CACNA1A: variants seen among roughly 807,000 people sequenced by gnomAD.
CACNA1A encodes calcium voltage-gated channel subunit alpha1 A.
Under a neutral mutation model 262.4 loss-of-function variants are expected in CACNA1A, and 57 were observed. The ratio of observed to expected loss-of-function variants is 0.22; its 90% CI spans 0.18 to 0.27. CACNA1A has a LOEUF of 0.27. Ranked by LOEUF, CACNA1A falls within the 10% of genes least tolerant of loss-of-function variation. CACNA1A has a pLI of 1.00. For synonymous variants in CACNA1A, 1,431 were observed against 1,419.3 expected, an observed-to-expected ratio of 1.01 and a Z score of -0.18; for missense variants, 2,526 against 3,562.8, an observed-to-expected ratio of 0.71 and a Z score of 7.41.
intron 6 of CACNA1A, among the ~76,000 whole-genome samples, chr19:13,350,916 C>T (rs147564645): frequency 2.1e-3 from 303 of 143,438 alleles, no homozygotes; most frequent in African/African-American, 7.7e-3. Flanking sequence ...GTGGGAGGAT[C>T]GCTTGAGACC....
In CACNA1A at chr19:13,298,874, G is replaced by C. The variant is rs538079885; in HGVS notation, c.2759C>G (p.Ala920Gly). 1.3e-4 allele frequency: 213 copies of C among 1,592,706 alleles called. No homozygotes were observed. The East Asian group carries it at 4.8e-3, about 36-fold the overall frequency. Residue 920 changes from alanine to glycine, a missense_variant, in exon 19 of 47, where the codon GCC becomes GGC. Coordinates refer to ENST00000360228, the MANE Select transcript of CACNA1A (RefSeq NM_001127222.2). ...LEQPGFWEGE[A>G]ERGKAGDPHR... Reference sequence around the variant, plus strand: ...GGGGTCCCCGGCCTTGCCTCGCTCGGCCTCGCCCTCCCAGAACCCGGGTTG... The same window carrying C: ...GGGGTCCCCGGCCTTGCCTCGCTCGCCCTCGCCCTCCCAGAACCCGGGTTG...
In CACNA1A at chr19:13,307,845, G is replaced by A. The variant is rs772832553; in HGVS notation, c.1923C>T (p.Phe641=). The A allele has an allele frequency of 7.4e-6, 12 of 1,613,768 alleles. No homozygotes were observed. The highest frequency in any genetic ancestry group is 6.6e-5 in the South Asian group (6 of 91,076). The change falls in exon 15 of 47, where the codon TTC becomes TTT. Residue 641 remains phenylalanine, a synonymous_variant. Transcript: ENST00000360228. ...GMQLFGGQFN[F]DEGTPPTNFD... is the part of the protein sequence containing the mutation. ...AGTTGGTGGGAGGAGTCCCTTCATC[G>A]AAATTAAACCTGCAGGGAGGACACA...
intron 23 of CACNA1A, among the ~76,000 whole-genome samples, chr19:13,276,527 C>G (rs1240052706): frequency 6.6e-6 from 1 of 152,162 alleles, no homozygotes. Flanking sequence ...GCCCCCTCAC[C>G]TCCCCACTCA....
chr19:13,493,004 G>A (rs1358316847), intron 1 of CACNA1A, among the ~76,000 whole-genome samples: 1 of 152,096 alleles, frequency 6.6e-6, no homozygotes, highest in Non-Finnish European at 1.5e-5. Context: ...AGAAAGTAAG[G>A]CACGATTTTC....
intron 1 of CACNA1A, among the ~76,000 whole-genome samples, chr19:13,471,565 C>A (rs1173520631): frequency 1.3e-5 from 2 of 152,190 alleles, no homozygotes; most frequent in African/African-American, 4.8e-5. Context: ...AGCCACTGTC[C>A]CTTCCCACAG....
chr19:13,430,288 C>T (rs543244810), intron 3 of CACNA1A, among the ~76,000 whole-genome samples: 1 of 152,022 alleles, frequency 6.6e-6, no homozygotes, highest in African/African-American at 2.4e-5. Flanking sequence ...CTCACTGCAA[C>T]CTCCACCTCC....
At chr19:13,458,999 G>A (rs933782217) in intron 1 of CACNA1A, among the ~76,000 whole-genome samples, 1 of 152,174 alleles carries the variant, frequency 6.6e-6, no homozygotes, top group African/African-American at 2.4e-5. Flanking sequence ...GGGCACTGCA[G>A]CATGTTCAAC....
At chr19:13,213,687 T>C in intron 40 of CACNA1A, 1 of 139,950 alleles carries the variant, frequency 7.1e-6, no homozygotes, top group Admixed American at 7.3e-5. Flanking sequence ...TTTTTTTTTT[T>C]TTTTTTTTTT....
intron 3 of CACNA1A, among the ~76,000 whole-genome samples, chr19:13,416,404 G>A (rs986751583): frequency 2.0e-5 from 3 of 152,192 alleles, no homozygotes; most frequent in Admixed American, 2.0e-4. Context: ...CATTTAGGCT[G>A]TGTGCGGTGG....
chr19:13,318,281 G>T (rs1205596654), intron 10 of CACNA1A, among the ~76,000 whole-genome samples: 1 of 152,144 alleles, frequency 6.6e-6, no homozygotes, highest in South Asian at 2.1e-4. Flanking sequence ...CAAATTTAAG[G>T]TCCTGAAGCA....
chr19:13,326,304 G>A (rs2058361153), intron 10 of CACNA1A, among the ~76,000 whole-genome samples: 1 of 150,302 alleles, frequency 6.7e-6, no homozygotes, highest in African/African-American at 2.5e-5. Context: ...GACAGAGTAA[G>A]ACTCCATCTC....
chr19:13,333,941 T>C (rs75514014), intron 8 of CACNA1A: 4,975 of 166,886 alleles, frequency 0.03, 267 homozygotes, highest in African/African-American at 0.11. Flanking sequence ...CCCTAAATGT[T>C]TGTTAAATGG....
intron 31 of CACNA1A, among the ~76,000 whole-genome samples, chr19:13,238,010 G>A (rs1255730764): frequency 6.6e-6 from 1 of 152,228 alleles, no homozygotes. Flanking sequence ...GGATCTGGCA[G>A]GGAGATGCGT....
chr19:13,247,219 G>A (rs1459802982), intron 30 of CACNA1A, among the ~76,000 whole-genome samples: 1 of 152,250 alleles, frequency 6.6e-6, no homozygotes, highest in Non-Finnish European at 1.5e-5. Flanking sequence ...CTACCTTACA[G>A]AGAAGGAGCC....
chr19:13,473,047 G>C (rs1978289462), intron 1 of CACNA1A, among the ~76,000 whole-genome samples: 2 of 152,174 alleles, frequency 1.3e-5, no homozygotes, highest in South Asian at 4.2e-4. Context: ...GAGCCCAGAA[G>C]TTCAAGACCA....
chr19:13,384,194 T>C (rs1246908165), intron 3 of CACNA1A, among the ~76,000 whole-genome samples: 4 of 152,182 alleles, frequency 2.6e-5, no homozygotes, highest in African/African-American at 9.7e-5. Flanking sequence ...GCTTTTTTTG[T>C]ATAGCATCTT....
intron 43 of CACNA1A, chr19:13,210,990 G>A (rs532674301): frequency 4.5e-5 from 17 of 379,600 alleles, no homozygotes; most frequent in Non-Finnish European, 7.9e-5. Flanking sequence ...TGCCTCATGC[G>A]ATGCACACCC....
intron 19 of CACNA1A, among the ~76,000 whole-genome samples, chr19:13,296,737 A>C (rs990961653): frequency 6.6e-6 from 1 of 151,562 alleles, no homozygotes; most frequent in Non-Finnish European, 1.5e-5. Flanking sequence ...CTAACGGCCC[A>C]AAGTGCCTTT....
chr19:13,396,042 T>C (rs764005917), intron 3 of CACNA1A, among the ~76,000 whole-genome samples: 10 of 152,266 alleles, frequency 6.6e-5, no homozygotes, highest in Non-Finnish European at 1.2e-4. Context: ...CCTGCAGCTT[T>C]GGGTCTTCAT....
Sources: gnomAD v4.1 joint callset for allele counts (sites outside exome capture counted in the v4.1 genomes callset) on GRCh38, gnomAD v4.1.1 for gene constraint, MANE v1.5 for transcripts, NCBI Gene and HGNC (gene_info 2026-07-23, HGNC 2026-07-21) for gene names.